The following TICRR variants were observed in gnomAD, a reference collection of about 807,000 sequenced individuals.
TICRR encodes the protein treslin.
Under a neutral mutation model 178.1 loss-of-function variants are expected in TICRR, and 132 were observed. The ratio of observed to expected loss-of-function variants is 0.74; its 90% CI spans 0.64 to 0.86. The LOEUF (loss-of-function observed/expected upper bound fraction) is 0.86. Among genes scored for constraint, TICRR ranks in the 40% least tolerant of loss-of-function variants. The pLI is 0.00. For synonymous variants in TICRR, 991 were observed against 900.7 expected (o/e 1.10, Z -1.79); for missense variants, 2,587 against 2,334.3 (o/e 1.11, Z -2.23).
intron 2 of TICRR, 22 bp downstream of exon 2, chr15:89,582,987 GTTT>G (rs76779258): frequency 1.6e-6 from 2 of 1,229,196 alleles, no homozygotes; most frequent in Non-Finnish European, 2.2e-6. Flanking sequence ...ATATTTTAAG[GTTT>G]TTTTTTTTTT....
chr15:89,611,512 C>T (rs1458076396), intron 15 of TICRR, among the ~76,000 whole-genome samples: 1 of 152,106 alleles, frequency 6.6e-6, no homozygotes, highest in East Asian at 1.9e-4. Context: ...TGTATATGTT[C>T]ATGTCTTTCA....
chr15:89,616,774 G>A (rs772695568), intron 16 of TICRR, among the ~76,000 whole-genome samples: 3 of 152,200 alleles, frequency 2.0e-5, no homozygotes, highest in Non-Finnish European at 4.4e-5. Flanking sequence ...ATACTCCACG[G>A]TTTTTAAATC....
intron 8 of TICRR, among the ~76,000 whole-genome samples, chr15:89,599,807 T>TA (rs1200216361): frequency 6.6e-6 from 1 of 152,162 alleles, no homozygotes; most frequent in Non-Finnish European, 1.5e-5. Context: ...TTACAGCATT[T>TA]AAAAAATATA....
intron 17 of TICRR, among the ~76,000 whole-genome samples, chr15:89,618,622 C>T (rs753958025): frequency 1.1e-4 from 17 of 152,202 alleles, no homozygotes; most frequent in Non-Finnish European, 1.8e-4. Context: ...GTGCCCCCAA[C>T]ACACAGTGCC....
chr15:89,593,756 A>C (rs1311277269), intron 5 of TICRR, among the ~76,000 whole-genome samples: 1 of 152,352 alleles, frequency 6.6e-6, no homozygotes, highest in East Asian at 1.9e-4. Context: ...TGATAGACCC[A>C]ACACATATTC....
rs559216786 is a variant in TICRR, at chr15:89,575,525, A to G, written c.-62A>G. ...GTGAGTGGTGCTGTTTCCCTGAAGG[A>G]AGGGACTAAGGGACGGTGGCGCGGG... On this transcript the variant is annotated 5_prime_UTR_variant, in exon 1 of 22. Transcript: ENST00000268138. The G allele has an allele frequency of 2.8e-3, 3,888 of 1,397,260 alleles. 4 individuals carry two copies. Among genetic ancestry groups the G allele is most frequent in the Non-Finnish European group, 3.4e-3 (3,621 of 1,069,840 alleles). The allele number at this position is 1,397,260 out of a possible 1,614,324, so 86.6% of individuals were successfully genotyped here. A position where few individuals can be genotyped will look rare whatever the true frequency, so the allele number is the denominator to read the frequency against.
In TICRR at chr15:89,606,796, C is replaced by T. The variant is rs2141969320; in HGVS notation, c.2693C>T (p.Pro898Leu). ...AACTCTCACCCTGCTCCTCAGCAGC[C>T]TTCCCAGCCAGTGAAAGATACAGTG... is the stretch of plus-strand genomic sequence containing the variant. ...KENSHPAPQQ[P>L]SQPVKDTVQE... The change falls in exon 14 of 22, where the codon CCT becomes CTT. Residue 898 changes from proline (P) to leucine (L), a missense_variant. By Grantham distance (98) the Pro-to-Leu change is moderately conservative. Coordinates refer to ENST00000268138, the MANE Select transcript of TICRR (RefSeq NM_152259.4). The T allele has an allele frequency of 6.2e-7, 1 of 1,613,844 alleles. No individual in the cohort carries two copies. The highest frequency in any genetic ancestry group is 1.3e-5 in the African/African-American group (1 of 75,018).
At position 89,601,883 on chromosome 15, in the gene TICRR, T is replaced by A. The variant is rs759954553; in HGVS notation, c.2474T>A (p.Val825Glu). 3.7e-6 allele frequency: 6 copies of A among 1,614,168 alleles called. No homozygotes were observed. Among genetic ancestry groups the A allele is most frequent in the Non-Finnish European group, 5.1e-6 (6 of 1,180,006 alleles). Residue 825 changes from valine to glutamate, a missense_variant, in exon 12 of 22, where the codon GTG (valine) becomes GAG (glutamate). Val to Glu is a moderately radical substitution (Grantham distance 121). Transcript: ENST00000268138. The part of the protein sequence containing the change: ...TQENKSPLLS[V>E]PFLSSARRSV... Reference sequence around the variant, plus strand: ...GAGAACAAATCACCACTTCTTTCTGTGCCTTTTTTGTCAAGTGCTCGTAGA... The same window carrying A: ...GAGAACAAATCACCACTTCTTTCTGAGCCTTTTTTGTCAAGTGCTCGTAGA...
At position 89,626,741 on chromosome 15, in the gene TICRR, A is replaced by G. The variant is rs146607652; in HGVS notation, c.5603-215A>G. On this transcript the variant is annotated intron_variant, in intron 21 of 21. Transcript: ENST00000268138. Reference sequence around the variant, plus strand: ...CAAACCACAGGTACTTTGCATTTTCAGAGCTGCTTCTTGCTGCCAGCACGG... The same window carrying G: ...CAAACCACAGGTACTTTGCATTTTCGGAGCTGCTTCTTGCTGCCAGCACGG... Among the ~76,000 whole-genome samples, 177 of 152,304 alleles carry G rather than the reference A, an allele frequency of 1.2e-3. 2 individuals carry two copies. Among genetic ancestry groups the G allele is most frequent in the African/African-American group, 4.2e-3 (174 of 41,562 alleles).
intron 8 of TICRR, among the ~76,000 whole-genome samples, chr15:89,599,983 G>A (rs890547478): frequency 6.6e-6 from 1 of 152,168 alleles, no homozygotes; most frequent in African/African-American, 2.4e-5. Flanking sequence ...GTAGGTGCCT[G>A]TAATCCCAGC....
rs1384375922 is a variant in TICRR, at chr15:89,601,835, T to C, written c.2426T>C (p.Phe809Ser). Residue 809 changes from phenylalanine (F) to serine (S), a missense_variant, in exon 12 of 22, where the codon TTC becomes TCC. By Grantham distance (155) the Phe-to-Ser change is radical (BLOSUM62 -2). Coordinates refer to ENST00000268138, the MANE Select transcript of TICRR (RefSeq NM_152259.4). ...KLAGVLPTDF[F>S]SDDSMTQENK... The stretch of plus-strand genomic sequence containing the variant: ...GCTGGTGTCCTTCCTACAGATTTTT[T>C]CAGTGATGACTCCATGACACAAGAG... 7 of 1,614,104 alleles carry C rather than the reference T, an allele frequency of 4.3e-6. No individual in the cohort carries two copies. In the Admixed American group the frequency reaches 5.0e-5, roughly 12 times the overall value.
chr15:89,611,773 A>G (rs1348826432), intron 15 of TICRR, among the ~76,000 whole-genome samples: 1 of 151,724 alleles, frequency 6.6e-6, no homozygotes, highest in East Asian at 1.9e-4. Context: ...CCTTCTAGTT[A>G]GTTTTTTCAT....
chr15:89,608,839 A>G lies in TICRR; in HGVS notation c.2759A>G (p.Glu920Gly). ...GTTCGAAGAAATCTTTTCAACCAGGAATTGCTTTCCCCTTCAAAGAGATCA... is the reference window on the plus strand; with the variant it reads ...GTTCGAAGAAATCTTTTCAACCAGGGATTGCTTTCCCCTTCAAAGAGATCA... Reference protein sequence around the residue: ...TKVRRNLFNQELLSPSKRSLK... With the variant: ...TKVRRNLFNQGLLSPSKRSLK... The change falls in exon 15 of 22, where the codon GAA (glutamate) becomes GGA (glycine). Residue 920 changes from glutamate to glycine, a missense_variant. Physicochemically the swap from Glu to Gly is moderately conservative, Grantham distance 98. Coordinates refer to ENST00000268138, the MANE Select transcript of TICRR (RefSeq NM_152259.4). The G allele has an allele frequency of 6.2e-7, 1 of 1,604,136 alleles. No homozygotes were observed. Among genetic ancestry groups the G allele is most frequent in the Non-Finnish European group, 8.5e-7 (1 of 1,176,566 alleles).
At chr15:89,594,094 A>G (rs8032553) in intron 5 of TICRR, among the ~76,000 whole-genome samples, 66,561 of 152,086 alleles carry the variant, frequency 0.44, 15,301 homozygotes, top group Non-Finnish European at 0.52. Flanking sequence ...TGAGTAAAAA[A>G]TAACTATGGA....
At position 89,608,871 on chromosome 15, in the gene TICRR, CG is replaced by C. The variant is rs1567047767; in HGVS notation, c.2796del (p.Leu933CysfsTer13). 1 of 1,610,780 alleles carries C rather than the reference CG, an allele frequency of 6.2e-7. No homozygotes were observed. Among genetic ancestry groups the C allele is most frequent in the African/African-American group, 1.3e-5 (1 of 74,554 alleles). On this transcript the variant is annotated frameshift_variant, in exon 15 of 22. Transcript: ENST00000268138. LOFTEE classifies it high-confidence loss of function. The stretch of plus-strand genomic sequence containing the variant: ...TTCCCCTTCAAAGAGATCACTAAAG[CG>C]GGGGTTGCCTAGAAGCCATTCTGTG... ...LLSPSKRSLK[R>X]GLPRSHSVSA...
Position 89,619,801 on chromosome 15 carries a change from G to C in TICRR, c.3113G>C (p.Arg1038Pro). Residue 1038 changes from arginine (R) to proline (P), a missense_variant, in exon 18 of 22, where the codon CGA (arginine) becomes CCA (proline). Arg to Pro is a moderately radical substitution (Grantham distance 103). Coordinates refer to ENST00000268138, the MANE Select transcript of TICRR (RefSeq NM_152259.4). Reference protein sequence around the residue: ...SFYSVSQPKSRSVQRVHSFQQ... With the variant: ...SFYSVSQPKSPSVQRVHSFQQ... Reference sequence around the variant, plus strand: ...TATTCTGTGTCTCAGCCGAAGTCTCGAAGTGTGCAAAGAGTCCACTCTTTC... The same window carrying C: ...TATTCTGTGTCTCAGCCGAAGTCTCCAAGTGTGCAAAGAGTCCACTCTTTC... The C allele has an allele frequency of 1.9e-6, 3 of 1,613,878 alleles. No homozygotes were observed. The highest frequency in any genetic ancestry group is 2.5e-6 in the Non-Finnish European group (3 of 1,179,958).
At chr15:89,619,221 CTTTT>C (rs386383750) in intron 17 of TICRR, among the ~76,000 whole-genome samples, 10 of 111,994 alleles carry the variant, frequency 8.9e-5, no homozygotes, top group Non-Finnish European at 1.4e-4. Flanking sequence ...CACCATTCTT[CTTTT>C]TTTTTTTTTT....
At chr15:89,615,776 A>G (rs545843888) in intron 15 of TICRR, among the ~76,000 whole-genome samples, 7 of 152,020 alleles carry the variant, frequency 4.6e-5, no homozygotes, top group Non-Finnish European at 8.8e-5. Flanking sequence ...GCATTTTCAC[A>G]TATTTCATTT....
rs147996112 is a variant in TICRR at position 89,624,554 on chromosome 15, C to T, written c.4244C>T (p.Ala1415Val). 2.0e-4 allele frequency: 327 copies of T among 1,613,616 alleles called. No individual in the cohort carries two copies. The highest frequency in any genetic ancestry group is 2.6e-4 in the Non-Finnish European group (311 of 1,179,814). Residue 1415 changes from alanine to valine, a missense_variant, in exon 20 of 22, where the codon GCT (alanine) becomes GTT (valine). By Grantham distance (64) the Ala-to-Val change is moderately conservative. Coordinates refer to ENST00000268138, the MANE Select transcript of TICRR (RefSeq NM_152259.4). The part of the protein sequence containing the change: ...TPGVGTADSP[A>V]APTDSRDDQK... ...GGGGTTGGCACAGCTGACAGCCCAG[C>T]TGCCCCCACAGACTCTAGAGATGAC...
Sources: gnomAD v4.1 joint callset for allele counts (sites outside exome capture counted in the v4.1 genomes callset) on GRCh38, gnomAD v4.1.1 for gene constraint, MANE v1.5 for transcripts, NCBI Gene and HGNC (gene_info 2026-07-23, HGNC 2026-07-21) for gene names.